PPM1L: variants seen among roughly 807,000 people sequenced by gnomAD.
The protein encoded by PPM1L is protein phosphatase, Mg2+/Mn2+ dependent 1L.
Under a neutral mutation model 31.4 loss-of-function variants are expected in PPM1L, and 13 were observed. The ratio of observed to expected loss-of-function variants is 0.41; its 90% CI spans 0.27 to 0.66. The LOEUF (loss-of-function observed/expected upper bound fraction) is 0.66. PPM1L is among the 30% of genes least tolerant of loss of function. The pLI, the probability that PPM1L is intolerant of heterozygous loss-of-function variation, is 0.29. For missense variants in PPM1L, 326 were observed against 453.7 expected, an observed-to-expected ratio of 0.72 and a Z score of 2.56; for synonymous variants, 184 against 175.4, an observed-to-expected ratio of 1.05 and a Z score of -0.39.
At chr3:160,820,219 G>C (rs920861585) in intron 1 of PPM1L, among the ~76,000 whole-genome samples, 1 of 152,058 alleles carries the variant, frequency 6.6e-6, no homozygotes, top group Non-Finnish European at 1.5e-5. Flanking sequence ...TCATGGCATG[G>C]AGTTATTATT....
intron 1 of PPM1L, among the ~76,000 whole-genome samples, chr3:160,954,554 G>T (rs7626985): frequency 0.43 from 65,601 of 151,534 alleles, 14,875 homozygotes; most frequent in East Asian, 0.73. Context: ...AGTAGAGACA[G>T]GGTCTTGCCA....
chr3:160,839,340 G>A (rs1713802399), intron 1 of PPM1L, among the ~76,000 whole-genome samples: 1 of 152,102 alleles, frequency 6.6e-6, no homozygotes, highest in African/African-American at 2.4e-5. Flanking sequence ...CCTTAGATAA[G>A]ATTGAAAAAC....
chr3:160,760,024 C>A (rs113051481), intron 1 of PPM1L, among the ~76,000 whole-genome samples: 2,499 of 152,240 alleles, frequency 0.016, 60 homozygotes, highest in African/African-American at 0.057. Context: ...TGGGGCAGCA[C>A]TATTCAAGGG....
intron 1 of PPM1L, among the ~76,000 whole-genome samples, chr3:160,769,493 G>T (rs1240630259): frequency 6.6e-6 from 1 of 152,112 alleles, no homozygotes; most frequent in Non-Finnish European, 1.5e-5. Flanking sequence ...ACTACTAGTA[G>T]GTGTTAGGTT....
chr3:160,951,927 C>G (rs1306507222), intron 1 of PPM1L, among the ~76,000 whole-genome samples: 4 of 152,202 alleles, frequency 2.6e-5, no homozygotes, highest in African/African-American at 9.7e-5. Flanking sequence ...TCTTAAATCT[C>G]TGTAATAGGT....
chr3:161,001,998 C>A (rs1051437995), intron 2 of PPM1L, among the ~76,000 whole-genome samples: 3 of 149,958 alleles, frequency 2.0e-5, no homozygotes, highest in Non-Finnish European at 4.4e-5. Flanking sequence ...TCCCCCAACC[C>A]CACAACAGTC....
Position 161,074,011 on chromosome 3 carries a change from T to A in PPM1L, c.*4854T>A, listed in dbSNP as rs1210848047. ...AATATTTTTATATTTCATTACTATA[T>A]GATATTTAAAAATATACAGAAAATC... is the stretch of plus-strand genomic sequence containing the variant. On this transcript the variant is annotated 3_prime_UTR_variant, in exon 4 of 4. Coordinates refer to ENST00000498165, the MANE Select transcript of PPM1L (RefSeq NM_139245.4). 1 of 152,204 alleles carries A rather than the reference T, an allele frequency of 6.6e-6. No individual in the cohort carries two copies. The highest frequency in any genetic ancestry group is 1.5e-5 in the Non-Finnish European group (1 of 68,032). The allele number at this position is 152,204 out of a possible 1,614,324, so 9.4% of individuals were successfully genotyped here. A position where few individuals can be genotyped will look rare whatever the true frequency, so the allele number is the denominator to read the frequency against.
chr3:161,011,999 T>G (rs1387462598), intron 2 of PPM1L, among the ~76,000 whole-genome samples: 1 of 152,220 alleles, frequency 6.6e-6, no homozygotes, highest in African/African-American at 2.4e-5. Context: ...CCTAATTGAT[T>G]ACCCTTTATT....
chr3:160,836,316 A>AAGAGAG (rs113812255), intron 1 of PPM1L, among the ~76,000 whole-genome samples: 19 of 147,624 alleles, frequency 1.3e-4, no homozygotes, highest in African/African-American at 4.0e-4. Flanking sequence ...GAAGGAAAGG[A>AAGAGAG]AGAGAGAGAG....
At chr3:160,805,321 C>T (rs368493759) in intron 1 of PPM1L, among the ~76,000 whole-genome samples, 2 of 151,994 alleles carry the variant, frequency 1.3e-5, no homozygotes, top group Admixed American at 6.6e-5. Flanking sequence ...AAGTAGGGGA[C>T]GAACTTCAGA....
intron 1 of PPM1L, among the ~76,000 whole-genome samples, chr3:160,909,491 A>G (rs985842693): frequency 6.6e-6 from 1 of 152,212 alleles, no homozygotes; most frequent in South Asian, 2.1e-4. Context: ...GTAGATGTCC[A>G]TTTAGATCCA....
intron 1 of PPM1L, among the ~76,000 whole-genome samples, chr3:160,788,826 AC>A (rs1259616681): frequency 1.3e-5 from 2 of 151,930 alleles, no homozygotes; most frequent in African/African-American, 4.8e-5. Context: ...TTTTATGTAT[AC>A]CAAATTTTTA....
intron 2 of PPM1L, among the ~76,000 whole-genome samples, chr3:160,980,244 A>C (rs538556736): frequency 6.6e-6 from 1 of 152,114 alleles, no homozygotes; most frequent in East Asian, 1.9e-4. Context: ...TTGGCCTTTT[A>C]GTCAGATTTC....
chr3:160,760,346 CTG>C (rs1163200416), intron 1 of PPM1L, among the ~76,000 whole-genome samples: 3 of 152,202 alleles, frequency 2.0e-5, no homozygotes, highest in Non-Finnish European at 4.4e-5. Flanking sequence ...GCATATTTAA[CTG>C]TGAATTCTTC....
chr3:161,014,090 A>G (rs550079217), intron 2 of PPM1L, among the ~76,000 whole-genome samples: 1 of 152,172 alleles, frequency 6.6e-6, no homozygotes, highest in Non-Finnish European at 1.5e-5. Flanking sequence ...TATTTTGCTC[A>G]TTAGTTGATG....
At chr3:161,013,618 G>A (rs1717970099) in intron 2 of PPM1L, among the ~76,000 whole-genome samples, 1 of 152,190 alleles carries the variant, frequency 6.6e-6, no homozygotes. Flanking sequence ...AATGTTGACA[G>A]TGGGGGGTTA....
At chr3:161,008,297 G>T (rs572743979) in intron 2 of PPM1L, among the ~76,000 whole-genome samples, 2 of 152,280 alleles carry the variant, frequency 1.3e-5, no homozygotes, top group East Asian at 1.9e-4. Context: ...TGCACAGAGC[G>T]GCCAAGAAAA....
intron 1 of PPM1L, among the ~76,000 whole-genome samples, chr3:160,852,666 G>A (rs1711561993): frequency 6.6e-6 from 1 of 152,140 alleles, no homozygotes; most frequent in Non-Finnish European, 1.5e-5. Flanking sequence ...CAAACTGGCT[G>A]GAAGGGTCAA....
intron 1 of PPM1L, among the ~76,000 whole-genome samples, chr3:160,944,813 T>TATATATGTTATATGTTATATATAAC (rs1715293508): frequency 3.2e-4 from 5 of 15,578 alleles, no homozygotes; most frequent in African/African-American, 7.3e-4. Flanking sequence ...ATATATAACA[T>TATATATGTTATATGTTATATATAAC]ATATATGTTA....
Sources: allele counts gnomAD v4.1 joint callset (sites outside exome capture counted in the v4.1 genomes callset), GRCh38; gene constraint gnomAD v4.1.1; transcripts MANE v1.5; gene names NCBI Gene and HGNC (gene_info 2026-07-23, HGNC 2026-07-21).